Variants in LIPA observed in about 807,000 individuals in gnomAD.
LIPA encodes the protein lipase A, lysosomal acid type.
LIPA carries 26 observed loss-of-function variants against 40.6 expected under a neutral mutation model. The observed-to-expected ratio is 0.64, with a 90% confidence interval of 0.47 to 0.89. The LOEUF is 0.89. Ranked by LOEUF, LIPA falls within the 40% of genes least tolerant of loss-of-function variation. The pLI is 0.00. For missense variants in LIPA, 455 were observed against 479.6 expected, an observed-to-expected ratio of 0.95 and a Z score of 0.48; for synonymous variants, 188 against 168.4, an observed-to-expected ratio of 1.12 and a Z score of -0.90.
intron 1 of LIPA, chr10:89,305,962 T>A: frequency 6.2e-7 from 1 of 1,605,478 alleles, no homozygotes. Context: ...TTCCCTACAG[T>A]GAGAACAATA....
chr10:89,232,496 T>A (rs1037792534), intron 3 of LIPA, among the ~76,000 whole-genome samples: 6 of 152,220 alleles, frequency 3.9e-5, no homozygotes, highest in Non-Finnish European at 8.8e-5. Context: ...TGGCACTTGT[T>A]CCAATCTGTG....
Position 89,386,347 on chromosome 10 carries a change from G to A in LIPA, c.61+26444C>T, listed in dbSNP as rs77110125. Among the ~76,000 whole-genome samples, 362 of 152,338 alleles carry A rather than the reference G, an allele frequency of 2.4e-3. 1 individual carries two copies. Among genetic ancestry groups the A allele is most frequent in the African/African-American group, 6.4e-3 (268 of 41,564 alleles). The stretch of plus-strand genomic sequence containing the variant: ...TTTGGGAGAGTGGGGAGGCAGGGGA[G>A]TGGAGTCATTTAGATGACACCTGGA... On this transcript the variant is annotated intron_variant, in intron 2 of 8. Transcript: ENST00000371837.
intron 1 of LIPA, among the ~76,000 whole-genome samples, chr10:89,285,953 T>C (rs1476635725): frequency 6.6e-6 from 1 of 152,106 alleles, no homozygotes; most frequent in Non-Finnish European, 1.5e-5. Flanking sequence ...CCTTAGCCTG[T>C]GTTCTCAAGA....
At chr10:89,383,557 A>G in intron 2 of LIPA, 1 of 1,614,238 alleles carries the variant, frequency 6.2e-7, no homozygotes, top group Non-Finnish European at 8.5e-7. Context: ...TGAAGACTTA[A>G]TTCAGAAAGA....
Position 89,290,306 on chromosome 10 carries a change from A to G in LIPA, c.-1-42657T>C, listed in dbSNP as rs574294629. Among the ~76,000 whole-genome samples the G allele has an allele frequency of 2.0e-5, 3 of 152,228 alleles. No homozygotes were observed. The South Asian group carries it at 6.2e-4, about 32-fold the overall frequency. ...AGGCCATCACCAATCATCCTATACA[A>G]CAAATGCTCCTTCTAACAACCCCAC... On this transcript the variant is annotated intron_variant, in intron 1 of 5. Coordinates refer to the LIPA transcript ENST00000282673.
chr10:89,286,330 TC>T (rs1843340805), intron 1 of LIPA, among the ~76,000 whole-genome samples: 1 of 151,762 alleles, frequency 6.6e-6, no homozygotes, highest in African/African-American at 2.4e-5. Context: ...TCTCCCCTCC[TC>T]CCCAGGCTGC....
intron 2 of LIPA, chr10:89,412,615 C>T: frequency 4.8e-6 from 1 of 207,598 alleles, no homozygotes; most frequent in South Asian, 4.7e-5. Flanking sequence ...GTCCACACTG[C>T]CTTTATGAGC....
chr10:89,239,894 C>T (rs1226821245), intron 3 of LIPA, among the ~76,000 whole-genome samples: 1 of 152,132 alleles, frequency 6.6e-6, no homozygotes, highest in East Asian at 1.9e-4. Flanking sequence ...GACAAATGTG[C>T]CCATCATCTC....
chr10:89,403,621 T>G, intron 2 of LIPA: 1 of 1,614,074 alleles, frequency 6.2e-7, no homozygotes, highest in Non-Finnish European at 8.5e-7. Flanking sequence ...GTCTACAAAT[T>G]GGAAGGAAAT....
rs146899771 is a variant in LIPA at position 89,217,732 on chromosome 10, T to TGTA, written c.895-1726_895-1724dup. On this transcript the variant is annotated intron_variant, in intron 8 of 9. Transcript: ENST00000336233. ...CCAATTTTAATAAGTAACAATCCCT[T>TGTA]GTAGTATATCATCTCGCTCTGTGTT... Among the ~76,000 whole-genome samples, 419 of 152,332 alleles carry TGTA rather than the reference T, an allele frequency of 2.8e-3. 1 individual carries two copies. The highest frequency in any genetic ancestry group is 9.2e-3 in the African/African-American group (382 of 41,584).
intron 1 of LIPA, among the ~76,000 whole-genome samples, chr10:89,318,552 G>A (rs1284557388): frequency 6.6e-6 from 1 of 152,150 alleles, no homozygotes; most frequent in Non-Finnish European, 1.5e-5. Context: ...GGAGCACCCA[G>A]GTTCATAAAG....
chr10:89,261,409 G>A (rs980850898), intron 1 of LIPA, among the ~76,000 whole-genome samples: 5 of 152,204 alleles, frequency 3.3e-5, no homozygotes, highest in Non-Finnish European at 5.9e-5. Flanking sequence ...GGAGGCTGAG[G>A]CAGGAGAATC....
chr10:89,414,679 G>C (rs1841510752), upstream of LIPA: 5 of 1,254,250 alleles, frequency 4.0e-6, no homozygotes, highest in Non-Finnish European at 5.3e-6. Flanking sequence ...GGGCTGCAGA[G>C]GCCTGGCGCG....
Position 89,397,287 on chromosome 10 carries a change from T to C in LIPA, c.61+15504A>G, listed in dbSNP as rs186157985. On this transcript the variant is annotated intron_variant, in intron 2 of 8. Coordinates refer to the LIPA transcript ENST00000371837. Reference sequence around the variant, plus strand: ...TTTCTGGGAGATAGATTCTGAGGAGTGGAATTACTTTGTTGAAGGAAATGT... The same window carrying C: ...TTTCTGGGAGATAGATTCTGAGGAGCGGAATTACTTTGTTGAAGGAAATGT... Among the ~76,000 whole-genome samples, 33 of 151,162 alleles carry C rather than the reference T, an allele frequency of 2.2e-4. 1 individual carries two copies. The highest frequency in any genetic ancestry group is 1.3e-3 in the Admixed American group (20 of 15,222).
chr10:89,351,307 A>G (rs1843957351), intron 2 of LIPA, among the ~76,000 whole-genome samples: 2 of 152,256 alleles, frequency 1.3e-5, no homozygotes, highest in South Asian at 4.1e-4. Context: ...CAGAGCAGAA[A>G]CCCTGTCTCA....
intron 3 of LIPA, among the ~76,000 whole-genome samples, chr10:89,238,119 C>T (rs1200018579): frequency 6.6e-6 from 1 of 152,182 alleles, no homozygotes; most frequent in African/African-American, 2.4e-5. Flanking sequence ...GTATCCATAT[C>T]CATGACTTAG....
intron 8 of LIPA, among the ~76,000 whole-genome samples, chr10:89,217,041 T>A (rs1320237218): frequency 6.6e-6 from 1 of 152,218 alleles, no homozygotes; most frequent in Non-Finnish European, 1.5e-5. Flanking sequence ...ATGTCACTTA[T>A]TTTTAAAATT....
chr10:89,288,147 C>T (rs532997310), intron 1 of LIPA, among the ~76,000 whole-genome samples: 1 of 152,278 alleles, frequency 6.6e-6, no homozygotes, highest in South Asian at 2.1e-4. Flanking sequence ...TGGCATAATT[C>T]TCCATGAAAA....
chr10:89,299,657 C>T (rs564017948), intron 1 of LIPA, among the ~76,000 whole-genome samples: 3 of 151,854 alleles, frequency 2.0e-5, no homozygotes, highest in Non-Finnish European at 4.4e-5. Flanking sequence ...GACCAACAGG[C>T]ATATGAAAAA....
Sources: gnomAD v4.1 joint callset for allele counts (sites outside exome capture counted in the v4.1 genomes callset) on GRCh38, gnomAD v4.1.1 for gene constraint, MANE v1.5 for transcripts, NCBI Gene and HGNC (gene_info 2026-07-23, HGNC 2026-07-21) for gene names.